SLC2A9: variants seen among roughly 807,000 people sequenced by gnomAD.
SLC2A9 encodes solute carrier family 2 member 9, also known as solute carrier family 2, facilitated glucose transporter member 9.
SLC2A9 carries 39 observed loss-of-function variants against 50.6 expected under a neutral mutation model. That is an observed-to-expected ratio of 0.77 (90% CI 0.60 to 1.01). SLC2A9 has a LOEUF of 1.01. SLC2A9 is among the 50% of genes least tolerant of loss of function. SLC2A9 has a pLI of 0.00. For missense variants in SLC2A9, 686 were observed against 677.6 expected (o/e 1.01, Z -0.14); for synonymous variants, 324 against 276.9 (o/e 1.17, Z -1.69).
intron 10 of SLC2A9, among the ~76,000 whole-genome samples, chr4:9,862,459 A>G (rs1370218522): frequency 4.6e-5 from 7 of 152,042 alleles, no homozygotes; most frequent in Admixed American, 4.6e-4. Flanking sequence ...TGAAATATAC[A>G]TGTTAATAAA....
intron 10 of SLC2A9, among the ~76,000 whole-genome samples, chr4:9,841,814 G>A (rs1728123367): frequency 1.3e-5 from 2 of 152,154 alleles, no homozygotes; most frequent in Non-Finnish European, 2.9e-5. Context: ...ATAGTCTTAG[G>A]AAGTGGCAAT....
Position 9,996,897 on chromosome 4 carries a change from T to C in SLC2A9, c.294A>G (p.Gly98=), listed in dbSNP as rs759847295. Residue 98 remains glycine, a synonymous_variant, in exon 3 of 12, where the codon GGA becomes GGG. Coordinates refer to ENST00000264784, the MANE Select transcript of SLC2A9 (RefSeq NM_020041.3). Reference sequence around the variant, plus strand: ...TCAGAGTGTCTGGGTCTATTGGACGTCCATGCCTTCTTTCCCATGACTCAT... The same window carrying C: ...TCAGAGTGTCTGGGTCTATTGGACGCCCATGCCTTCTTTCCCATGACTCAT... ...FYNESWERRH[G]RPIDPDTLTL... is the part of the protein sequence containing the mutation. 1.2e-6 allele frequency: 2 copies of C among 1,614,044 alleles called. No homozygotes were observed. The highest frequency in any genetic ancestry group is 1.7e-5 in the Admixed American group (1 of 60,012).
At chr4:9,905,651 G>A (rs114557179) in intron 8 of SLC2A9, among the ~76,000 whole-genome samples, 208 of 152,344 alleles carry the variant, frequency 1.4e-3, no homozygotes, top group African/African-American at 4.7e-3. Flanking sequence ...GCATCGGGAT[G>A]AGAAGGAGTG....
chr4:9,870,465 T>C (rs11947634), intron 10 of SLC2A9, among the ~76,000 whole-genome samples: 18,770 of 152,146 alleles, frequency 0.12, 1,368 homozygotes, highest in African/African-American at 0.18. Context: ...TCTACATTTC[T>C]GTTGAAAACC....
chr4:9,806,201 G>C (rs1319753203), intron 3 of SLC2A9, among the ~76,000 whole-genome samples: 1 of 152,214 alleles, frequency 6.6e-6, no homozygotes, highest in African/African-American at 2.4e-5. Context: ...GCAGCACTGT[G>C]ACATGCTCGT....
At chr4:9,932,090 A>G (rs1430781381) in intron 6 of SLC2A9, among the ~76,000 whole-genome samples, 1 of 148,892 alleles carries the variant, frequency 6.7e-6, no homozygotes, top group East Asian at 2.0e-4. Context: ...CAGAAGGCCC[A>G]AAGCAATGAT....
At chr4:9,851,590 G>T (rs181291821) in intron 10 of SLC2A9, among the ~76,000 whole-genome samples, 36 of 152,286 alleles carry the variant, frequency 2.4e-4, no homozygotes, top group African/African-American at 8.2e-4. Flanking sequence ...TGACTGAAAT[G>T]ACAGACATAG....
At chr4:9,782,358 G>C (rs2227849) in intron 3 of SLC2A9, 1 of 1,614,058 alleles carries the variant, frequency 6.2e-7, no homozygotes, top group South Asian at 1.1e-5. Flanking sequence ...TGGCCCTTTG[G>C]AGCGTTCTGC....
intron 7 of SLC2A9, among the ~76,000 whole-genome samples, chr4:9,917,214 T>C (rs1743005263): frequency 6.6e-6 from 1 of 151,730 alleles, no homozygotes; most frequent in Non-Finnish European, 1.5e-5. Context: ...GAATGGAATT[T>C]GAAAGCCTAT....
intron 3 of SLC2A9, chr4:9,782,824 C>G: frequency 6.2e-7 from 1 of 1,613,326 alleles, no homozygotes; most frequent in Non-Finnish European, 8.5e-7. Context: ...TGGAGAGGGC[C>G]GCAGAGCACG....
chr4:9,833,747 T>G (rs893763779), intron 11 of SLC2A9, among the ~76,000 whole-genome samples: 3 of 152,038 alleles, frequency 2.0e-5, no homozygotes, highest in Non-Finnish European at 4.4e-5. Flanking sequence ...GTGTCCAGAA[T>G]AGTTGGTGAG....
At chr4:9,933,461 C>CA (rs1746509578) in intron 6 of SLC2A9, among the ~76,000 whole-genome samples, 1 of 152,208 alleles carries the variant, frequency 6.6e-6, no homozygotes, top group Admixed American at 6.5e-5. Context: ...GTAACCATTT[C>CA]CTGGCATCCA....
intron 3 of SLC2A9, among the ~76,000 whole-genome samples, chr4:9,809,382 C>T (rs185631761): frequency 1.6e-4 from 25 of 152,190 alleles, no homozygotes; most frequent in Non-Finnish European, 1.5e-5. Context: ...AGGATTGGAG[C>T]GAACAGGGTT....
chr4:9,871,879 G>A (rs1733496200), intron 10 of SLC2A9, among the ~76,000 whole-genome samples: 2 of 152,234 alleles, frequency 1.3e-5, no homozygotes, highest in African/African-American at 4.8e-5. Context: ...GGGCTGCCAT[G>A]AGGATTGAAT....
chr4:10,030,987 C>T (rs147819541), intron 1 of SLC2A9, among the ~76,000 whole-genome samples: 2 of 152,296 alleles, frequency 1.3e-5, no homozygotes, highest in East Asian at 3.9e-4. Context: ...AGCTGCACGC[C>T]TCTGCTTTCT....
chr4:9,801,019 G>A (rs1577322792), intron 3 of SLC2A9, among the ~76,000 whole-genome samples: 1 of 152,148 alleles, frequency 6.6e-6, no homozygotes, highest in East Asian at 1.9e-4. Context: ...GACACCAGCA[G>A]AAGTGTGGAA....
chr4:9,813,816 C>T (rs56050634), intron 3 of SLC2A9, among the ~76,000 whole-genome samples: 3,432 of 152,146 alleles, frequency 0.023, 57 homozygotes, highest in East Asian at 0.073. Context: ...AATGAATGGG[C>T]CAGGTGATGT....
At chr4:9,793,721 T>C (rs1331345002) in intron 3 of SLC2A9, among the ~76,000 whole-genome samples, 1 of 152,188 alleles carries the variant, frequency 6.6e-6, no homozygotes, top group Non-Finnish European at 1.5e-5. Flanking sequence ...GATTTTTCTG[T>C]GCAAAGTGGC....
At chr4:9,934,817 C>T (rs933315015) in intron 6 of SLC2A9, among the ~76,000 whole-genome samples, 1 of 152,180 alleles carries the variant, frequency 6.6e-6, no homozygotes, top group Non-Finnish European at 1.5e-5. Context: ...CCCTCAGCCC[C>T]TGCCCACAGG....
Sources: allele counts gnomAD v4.1 joint callset (sites outside exome capture counted in the v4.1 genomes callset), GRCh38; gene constraint gnomAD v4.1.1; transcripts MANE v1.5; gene names NCBI Gene and HGNC (gene_info 2026-07-23, HGNC 2026-07-21).